The following MICAL2 variants were observed in gnomAD, a reference collection of about 807,000 sequenced individuals.
The protein encoded by MICAL2 is microtubule associated monooxygenase, calponin and LIM domain containing 2.
MICAL2 carries 77 observed loss-of-function variants against 127.3 expected under a neutral mutation model. The observed-to-expected ratio is 0.60, with a 90% CI of 0.50 to 0.73. MICAL2 has a LOEUF of 0.73. MICAL2 is among the 30% of genes least tolerant of loss of function. The pLI is 0.00. For synonymous variants in MICAL2, 570 were observed against 551.1 expected (o/e 1.03, Z -0.48); for missense variants, 1,351 against 1,434.4 (o/e 0.94, Z 0.94).
In MICAL2 at chr11:12,255,766, C is replaced by T; in HGVS notation, c.2955+16C>T. Reference sequence around the variant, plus strand: ...TCCAGACCTGGTAAGGACATGCACCCCCAGCCTTCACCCACAGACACTGGC... The same window carrying T: ...TCCAGACCTGGTAAGGACATGCACCTCCAGCCTTCACCCACAGACACTGGC... On this transcript the variant is annotated intron_variant, in intron 23 of 27. Coordinates refer to ENST00000683283, the MANE Select transcript of MICAL2 (RefSeq NM_001282663.2). The T allele has an allele frequency of 6.3e-7, 1 of 1,599,642 alleles. No homozygotes were observed. Among genetic ancestry groups the T allele is most frequent in the Non-Finnish European group, 8.5e-7 (1 of 1,170,280 alleles).
intron 30 of MICAL2, among the ~76,000 whole-genome samples, chr11:12,320,196 A>G (rs1184874031): frequency 2.6e-5 from 4 of 152,344 alleles, no homozygotes; most frequent in South Asian, 4.1e-4. Flanking sequence ...GGCAGATTGC[A>G]TGGAAAATGT....
intron 8 of MICAL2, among the ~76,000 whole-genome samples, chr11:12,219,190 G>T (rs1292771805): frequency 1.3e-5 from 2 of 152,178 alleles, no homozygotes; most frequent in Non-Finnish European, 2.9e-5. Flanking sequence ...CACTCCAGGT[G>T]TCTGTACTTT....
At chr11:12,294,057 G>A (rs543193412), downstream of MICAL2, 30 of 1,614,130 alleles carry the variant, frequency 1.9e-5, no homozygotes, top group Admixed American at 5.0e-5. Flanking sequence ...GCTGGGGAGC[G>A]AATTTCCCAG....
At chr11:12,292,869 C>T (rs1390005850), downstream of MICAL2, among the ~76,000 whole-genome samples, 2 of 152,172 alleles carry the variant, frequency 1.3e-5, no homozygotes, top group East Asian at 3.9e-4. Flanking sequence ...ATGACCTGCC[C>T]TTCAGGCACC....
At chr11:12,156,400 C>T (rs1239299293) in intron 2 of MICAL2, among the ~76,000 whole-genome samples, 1 of 152,172 alleles carries the variant, frequency 6.6e-6, no homozygotes, top group East Asian at 1.9e-4. Context: ...TGGAACTTAT[C>T]TTTCTGGGGA....
intron 3 of MICAL2, among the ~76,000 whole-genome samples, chr11:12,165,958 T>C (rs955994900): frequency 2.0e-5 from 3 of 152,210 alleles, no homozygotes; most frequent in Non-Finnish European, 4.4e-5. Flanking sequence ...TGACTGTGTT[T>C]GGATAAGAAT....
Position 12,340,513 on chromosome 11 carries a change from A to G in MICAL2, c.5516-9325A>G, listed in dbSNP as rs373627977. Among the ~76,000 whole-genome samples the G allele has an allele frequency of 1.3e-4, 20 of 152,352 alleles. No homozygotes were observed. The South Asian group carries it at 2.7e-3, about 21-fold the overall frequency. ...AAGTTGAATATGTGCATACGCTACA[A>G]TTTAAGAATTTCATTCCTAATATAT... On this transcript the variant is annotated intron_variant, in intron 32 of 34. Coordinates refer to the MICAL2 transcript ENST00000646065.
intron 1 of MICAL2, among the ~76,000 whole-genome samples, chr11:12,133,971 A>G (rs1271340549): frequency 6.6e-6 from 1 of 152,202 alleles, no homozygotes; most frequent in African/African-American, 2.4e-5. Context: ...TGTGTGAGGA[A>G]AAGACCCCAG....
At chr11:12,162,525 G>A (rs949489280) in intron 3 of MICAL2, 106 bp downstream of exon 3, 2 of 1,346,128 alleles carry the variant, frequency 1.5e-6, no homozygotes, top group Admixed American at 4.8e-5. Context: ...TTAGGTGTGG[G>A]TGTGAATGTT....
intron 31 of MICAL2, chr11:12,327,140 G>A (rs1489062325): frequency 6.5e-7 from 1 of 1,543,554 alleles, no homozygotes; most frequent in Admixed American, 2.0e-5. Context: ...TATGTGGAAA[G>A]TCCTTGTGTG....
intron 1 of MICAL2, among the ~76,000 whole-genome samples, chr11:12,123,716 G>C (rs1051246434): frequency 2.6e-5 from 4 of 152,052 alleles, no homozygotes; most frequent in Admixed American, 1.3e-4. Context: ...ATGCATTTCT[G>C]ATCAGTGAAA....
intron 1 of MICAL2, among the ~76,000 whole-genome samples, chr11:12,113,487 T>C (rs902875023): frequency 1.3e-5 from 2 of 152,262 alleles, no homozygotes; most frequent in Admixed American, 1.3e-4. Flanking sequence ...AGGAAAAGCC[T>C]GTGGCTGTCT....
At chr11:12,264,014 A>G (rs1863462440), downstream of MICAL2, among the ~76,000 whole-genome samples, 1 of 151,870 alleles carries the variant, frequency 6.6e-6, no homozygotes, top group Non-Finnish European at 1.5e-5. Flanking sequence ...TTTCTTGAAC[A>G]CTCATTGTAC....
chr11:12,200,110 T>C (rs1353291642), intron 3 of MICAL2, among the ~76,000 whole-genome samples: 1 of 152,122 alleles, frequency 6.6e-6, no homozygotes, highest in East Asian at 1.9e-4. Context: ...GCAGGCCTGG[T>C]ACTGGGCTCT....
chr11:12,114,607 C>G (rs1211787566), intron 1 of MICAL2, among the ~76,000 whole-genome samples: 1 of 152,180 alleles, frequency 6.6e-6, no homozygotes, highest in Admixed American at 6.5e-5. Flanking sequence ...AACGCCGTGT[C>G]TGGGACACGC....
intron 2 of MICAL2, among the ~76,000 whole-genome samples, chr11:12,141,239 G>C (rs1420930778): frequency 6.6e-6 from 1 of 152,180 alleles, no homozygotes; most frequent in African/African-American, 2.4e-5. Context: ...AGTGTTGACT[G>C]TCCACAGCTT....
At chr11:12,182,914 G>T (rs975687882) in intron 3 of MICAL2, among the ~76,000 whole-genome samples, 14 of 152,084 alleles carry the variant, frequency 9.2e-5, no homozygotes, top group African/African-American at 3.4e-4. Context: ...TTCCTATACT[G>T]CCTGCCCCAG....
At chr11:12,286,831 C>G (rs1863832674) in intron 2 of MICAL2, 1 of 281,106 alleles carries the variant, frequency 3.6e-6, no homozygotes, top group Non-Finnish European at 6.6e-6. Flanking sequence ...GCCATGACCC[C>G]ACCACTGCAC....
intron 13 of MICAL2, 32 bp downstream of exon 13, chr11:12,224,852 A>G (rs1857229043): frequency 1.3e-6 from 2 of 1,590,014 alleles, no homozygotes; most frequent in Admixed American, 1.7e-5. Flanking sequence ...GCCCCTGGAG[A>G]CGAGGGATGC....
Sources: gnomAD v4.1 joint callset for allele counts (sites outside exome capture counted in the v4.1 genomes callset) on GRCh38, gnomAD v4.1.1 for gene constraint, MANE v1.5 for transcripts, NCBI Gene and HGNC (gene_info 2026-07-23, HGNC 2026-07-21) for gene names.